Variants in STON1 observed in about 807,000 individuals in gnomAD.
STON1 encodes the protein stonin 1.
STON1 carries 79 observed loss-of-function variants against 60.9 expected under a neutral mutation model. That is an observed-to-expected ratio of 1.30 (90% CI 1.08 to 1.56). STON1 has a LOEUF of 1.56. Among genes scored for constraint, STON1 ranks in the 40% most tolerant of loss-of-function variants. The pLI is 0.00. For missense variants in STON1, 1,166 were observed against 858.9 expected (o/e 1.36, Z -4.47); for synonymous variants, 363 against 306.9 (o/e 1.18, Z -1.91).
chr2:48,557,064 C>CG (rs1672398440), intron 1 of STON1, among the ~76,000 whole-genome samples: 2 of 90,188 alleles, frequency 2.2e-5, no homozygotes, highest in African/African-American at 8.1e-5. Flanking sequence ...GCTGGCCGGG[C>CG]GGGGGGCTGA....
chr2:48,561,219 A>G (rs188012436), intron 1 of STON1, among the ~76,000 whole-genome samples: 2 of 152,228 alleles, frequency 1.3e-5, no homozygotes, highest in Admixed American at 6.5e-5. Context: ...ACCAATGTGC[A>G]TAAAACCAGC....
chr2:48,539,034 C>T (rs1415636085), intron 1 of STON1, among the ~76,000 whole-genome samples: 4 of 152,128 alleles, frequency 2.6e-5, no homozygotes, highest in African/African-American at 4.8e-5. Context: ...CCTCTTGCCT[C>T]AGCCTCCCTA....
chr2:48,597,020 C>A lies in STON1; in HGVS notation c.*1718C>A, dbSNP rs1448182123. On this transcript the variant is annotated 3_prime_UTR_variant, in exon 4 of 4. Transcript: ENST00000404752. ...CAAGCCACCATGCCTGGCTAAAATTCTTTTGTATTTTTACTACAGACGGAG... is the reference window on the plus strand; with the variant it reads ...CAAGCCACCATGCCTGGCTAAAATTATTTTGTATTTTTACTACAGACGGAG... 2 of 151,860 alleles carry A rather than the reference C, an allele frequency of 1.3e-5. No individual in the cohort carries two copies. The highest frequency in any genetic ancestry group is 3.9e-4 in the East Asian group (2 of 5,168). 9.4% of individuals were successfully genotyped at this position (151,860 alleles called of 1,614,324 possible).
In STON1 at chr2:48,582,166, G is replaced by A. The variant is rs1441440727; in HGVS notation, c.1533G>A (p.Arg511=). ...IIKFVPLDAC[R]FELMRFKTLY... ...AGTTTGTACCTCTGGATGCCTGCCGGTTTGAGCTGATGCGTTTCAAGACTT... is the reference window on the plus strand; with the variant it reads ...AGTTTGTACCTCTGGATGCCTGCCGATTTGAGCTGATGCGTTTCAAGACTT... The change falls in exon 2 of 4, where the codon CGG becomes CGA. Residue 511 remains arginine, a synonymous_variant. Coordinates refer to ENST00000404752, the MANE Select transcript of STON1 (RefSeq NM_006873.4). 3 of 1,614,098 alleles carry A rather than the reference G, an allele frequency of 1.9e-6. No homozygotes were observed. In the African/African-American group the frequency reaches 4.0e-5, roughly 22 times the overall value.
At position 48,580,933 on chromosome 2, in the gene STON1, T is replaced by G. The variant is rs780536399; in HGVS notation, c.300T>G (p.His100Gln). 30 of 1,599,968 alleles carry G rather than the reference T, an allele frequency of 1.9e-5. No individual in the cohort carries two copies. The Admixed American group carries it at 3.5e-4, about 19-fold the overall frequency. The change falls in exon 2 of 4, where the codon CAT (histidine) becomes CAG (glutamine). Residue 100 changes from histidine to glutamine, a missense_variant. Coordinates refer to ENST00000404752, the MANE Select transcript of STON1 (RefSeq NM_006873.4). ...GFPGIPKAGT[H>Q]VLYPIPESSS... ...CTGGCATCCCCAAAGCAGGGACTCA[T>G]GTGCTTTATCCTATTCCAGAATCAT...
chr2:48,549,152 G>A (rs764395739), intron 1 of STON1, among the ~76,000 whole-genome samples: 5 of 152,074 alleles, frequency 3.3e-5, no homozygotes, highest in Admixed American at 2.6e-4. Context: ...ATTTATCCGG[G>A]AAACAATCCC....
intron 1 of STON1, among the ~76,000 whole-genome samples, chr2:48,578,510 C>T (rs958976257): frequency 1.6e-4 from 24 of 148,430 alleles, no homozygotes; most frequent in South Asian, 2.1e-4. Context: ...TTTTTCTCCT[C>T]CTCCTTCTCC....
chr2:48,565,045 C>CTT (rs35791710), intron 1 of STON1, among the ~76,000 whole-genome samples: 5,648 of 86,354 alleles, frequency 0.065, 246 homozygotes, highest in Non-Finnish European at 0.094. Flanking sequence ...CCGGCTTCTT[C>CTT]TTTTTTTTTT....
chr2:48,535,890 C>T (rs1671406631), intron 1 of STON1, among the ~76,000 whole-genome samples: 1 of 151,912 alleles, frequency 6.6e-6, no homozygotes, highest in Non-Finnish European at 1.5e-5. Flanking sequence ...AGTTTGAGAA[C>T]AGCCTGGGCA....
intron 1 of STON1, among the ~76,000 whole-genome samples, chr2:48,546,917 C>G (rs942300881): frequency 1.3e-5 from 2 of 152,098 alleles, no homozygotes; most frequent in East Asian, 3.9e-4. Context: ...GAACACACAC[C>G]AAGACATAGA....
At chr2:48,590,199 C>T (rs1047458708) in intron 2 of STON1, among the ~76,000 whole-genome samples, 1 of 152,134 alleles carries the variant, frequency 6.6e-6, no homozygotes, top group Non-Finnish European at 1.5e-5. Flanking sequence ...CTCCAGTGAT[C>T]AGGTTGTTAA....
intron 1 of STON1, among the ~76,000 whole-genome samples, chr2:48,576,902 A>C (rs1448801894): frequency 1.3e-5 from 2 of 151,018 alleles, no homozygotes; most frequent in African/African-American, 4.9e-5. Flanking sequence ...AAAATACAAA[A>C]AATTAGCCGG....
chr2:48,549,731 G>C (rs905628608), intron 1 of STON1, among the ~76,000 whole-genome samples: 13 of 145,978 alleles, frequency 8.9e-5, no homozygotes, highest in African/African-American at 3.3e-4. Context: ...AGAATGGCTT[G>C]AACTCAGGGG....
intron 1 of STON1, among the ~76,000 whole-genome samples, chr2:48,555,537 C>A (rs1572941821): frequency 1.4e-5 from 1 of 70,252 alleles, no homozygotes; most frequent in Non-Finnish European, 2.9e-5. Flanking sequence ...AGGCGGCTGG[C>A]CGGGCGTGGG....
At chr2:48,547,950 G>C (rs1313374638) in intron 1 of STON1, among the ~76,000 whole-genome samples, 1 of 152,192 alleles carries the variant, frequency 6.6e-6, no homozygotes, top group Non-Finnish European at 1.5e-5. Flanking sequence ...GCGTTTTAAA[G>C]TTTTTTTCTG....
rs550556572 is a variant in STON1 at position 48,583,622 on chromosome 2, T to C, written c.1930+1059T>C. Among the ~76,000 whole-genome samples the C allele has an allele frequency of 2.4e-4, 36 of 151,392 alleles. No individual in the cohort carries two copies. In the South Asian group the frequency reaches 6.7e-3, roughly 28 times the overall value. Reference sequence around the variant, plus strand: ...TTTTAGTTGAGGGTTGTTGGTTTTTTTTTTTTTTCCCCCCTAGCAGAGCAC... The same window carrying C: ...TTTTAGTTGAGGGTTGTTGGTTTTTCTTTTTTTTCCCCCCTAGCAGAGCAC... On this transcript the variant is annotated intron_variant, in intron 2 of 3. Coordinates refer to ENST00000404752, the MANE Select transcript of STON1 (RefSeq NM_006873.4).
Position 48,583,413 on chromosome 2 carries a change from T to G in STON1, c.1930+850T>G, listed in dbSNP as rs530928161. On this transcript the variant is annotated intron_variant, in intron 2 of 3. Coordinates refer to ENST00000404752, the MANE Select transcript of STON1 (RefSeq NM_006873.4). ...CTAAACTGGTTGTTTTAGAATTAGGTGGACACACGTGAGTGTTAAAAATTC... is the reference window on the plus strand; with the variant it reads ...CTAAACTGGTTGTTTTAGAATTAGGGGGACACACGTGAGTGTTAAAAATTC... Among the ~76,000 whole-genome samples, 55 of 152,286 alleles carry G rather than the reference T, an allele frequency of 3.6e-4. 1 individual carries two copies. Among genetic ancestry groups the G allele is most frequent in the Non-Finnish European group, 4.7e-4 (32 of 68,028 alleles).
chr2:48,570,811 A>T (rs1357872380), intron 1 of STON1, among the ~76,000 whole-genome samples: 5 of 140,506 alleles, frequency 3.6e-5, no homozygotes, highest in Non-Finnish European at 7.6e-5. Context: ...TCTGGGCCTC[A>T]TTCAGAATCT....
intron 1 of STON1, among the ~76,000 whole-genome samples, chr2:48,565,106 G>C (rs1473162209): frequency 7.1e-6 from 1 of 141,306 alleles, no homozygotes; most frequent in Non-Finnish European, 1.5e-5. Flanking sequence ...AGGCTGGAGT[G>C]CAGTGGTGTG....
Sources: gnomAD v4.1 joint callset for allele counts (sites outside exome capture counted in the v4.1 genomes callset) on GRCh38, gnomAD v4.1.1 for gene constraint, MANE v1.5 for transcripts, NCBI Gene and HGNC (gene_info 2026-07-23, HGNC 2026-07-21) for gene names.